LAMA5: variants seen among roughly 807,000 people sequenced by gnomAD.
The protein encoded by LAMA5 is laminin subunit alpha 5, also known as laminin subunit alpha-5.
Under a neutral mutation model 433.4 loss-of-function variants are expected in LAMA5, and 260 were observed. The observed-to-expected ratio is 0.60, with a 90% CI of 0.54 to 0.66. The LOEUF is 0.66. Ranked by LOEUF, LAMA5 falls within the 30% of genes least tolerant of loss-of-function variation. The pLI is 0.00. For synonymous variants in LAMA5, 2,620 were observed against 2,226.6 expected (o/e 1.18, Z -4.97); for missense variants, 5,378 against 5,258.5 (o/e 1.02, Z -0.70).
chr20:62,309,470 T>C lies in LAMA5; in HGVS notation c.10954A>G (p.Met3652Val), dbSNP rs960791457. ...GCGGGGGGCCAGGGCTGCACGGCCA[T>C]GGGCTCTGGGGGCACAGGGAAGATG... ...PLYLGGLPEP[M>V]AVQPWPPAYC... is the part of the protein sequence containing the mutation. The change falls in exon 80 of 80, where the codon ATG becomes GTG. Residue 3652 changes from methionine (M) to valine (V), a missense_variant. Met to Val is a conservative substitution (Grantham distance 21). Coordinates refer to ENST00000252999, the MANE Select transcript of LAMA5 (RefSeq NM_005560.6). 7.0e-6 allele frequency: 11 copies of C among 1,578,322 alleles called. No individual in the cohort carries two copies. The highest frequency in any genetic ancestry group is 1.8e-5 in the Admixed American group (1 of 56,958).
intron 20 of LAMA5, among the ~76,000 whole-genome samples, 188 bp from the exon 21 acceptor site, chr20:62,334,809 C>T (rs1452222656): frequency 8.6e-6 from 1 of 116,414 alleles, no homozygotes; most frequent in Non-Finnish European, 2.1e-5. Context: ...GCCGTCTGCC[C>T]AGGTGTAGGA....
rs138067480 is a variant in LAMA5, at chr20:62,352,059, G to A, written c.708C>T (p.Asn236=). The A allele has an allele frequency of 5.9e-5, 95 of 1,611,816 alleles. No homozygotes were observed. The highest frequency in any genetic ancestry group is 3.5e-4 in the African/African-American group (26 of 75,032). ...ENGEIVVSLV[N]GRPGAMNFSY... ...AGAAATTCATGGCGCCCGGACGTCC[G>A]TTCACCAGGGACACCACGATCTGTG... The change falls in exon 5 of 80, where the codon AAC becomes AAT. Residue 236 remains asparagine (N), a synonymous_variant. Transcript: ENST00000252999.
intron 52 of LAMA5, 33 bp from the exon 53 acceptor site, chr20:62,318,683 G>A (rs1285672302): frequency 4.4e-6 from 7 of 1,601,980 alleles, no homozygotes; most frequent in African/African-American, 1.3e-5. Context: ...TGGTCACTCT[G>A]GAAGCCAGGC....
At chr20:62,360,433 G>A (rs191334794) in intron 2 of LAMA5, among the ~76,000 whole-genome samples, 1 of 1,662 alleles carries the variant, frequency 6.0e-4, no homozygotes, top group African/African-American at 8.8e-4. Flanking sequence ...GGAGGGATGG[G>A]TGAGTGGGTG....
intron 67 of LAMA5, 33 bp downstream of exon 67, chr20:62,312,585 CGCCCCAACAGCCTG>C: frequency 6.3e-7 from 1 of 1,599,224 alleles, no homozygotes; most frequent in Non-Finnish European, 8.5e-7. Context: ...CCCAGCCTAC[CGCCCCAACAGCCTG>C]GCCTCGGAGC....
intron 50 of LAMA5, among the ~76,000 whole-genome samples, chr20:62,320,318 C>CAAAAAA (rs60260941): frequency 2.0e-5 from 1 of 51,248 alleles, no homozygotes; most frequent in Non-Finnish European, 3.4e-5. Context: ...AACTGTGTCT[C>CAAAAAA]AAAAAAAAAA....
At position 62,320,547 on chromosome 20, in the gene LAMA5, TG is replaced by T. The variant is rs147072623; in HGVS notation, c.6759+11del. The T allele has an allele frequency of 2.9e-5, 45 of 1,576,292 alleles. No homozygotes were observed. The highest frequency in any genetic ancestry group is 3.6e-5 in the Non-Finnish European group (42 of 1,167,812). On this transcript the variant is annotated intron_variant, in intron 50 of 79. Transcript: ENST00000252999. ...AGCCTCCCGGGGCCCTGGGGGGTCT[TG>T]GGGCTCCTGCCTGGCCGCCTAGCCG...
chr20:62,314,761 C>CT, intron 60 of LAMA5, 36 bp from the exon 61 acceptor site: 2 of 1,612,720 alleles, frequency 1.2e-6, no homozygotes, highest in Non-Finnish European at 1.7e-6. Flanking sequence ...CACCACCACC[C>CT]TCCCTGATGT....
In LAMA5 at chr20:62,328,355, T is replaced by A; in HGVS notation, c.4538A>T (p.Gln1513Leu). ...RTIPPDCLLC[Q>L]PQTFGCHPLV... The stretch of plus-strand genomic sequence containing the variant: ...GGGGTGGCAGCCAAAGGTCTGGGGC[T>A]GGCACAGCAGGCAGTCGGGCGGGAT... Residue 1513 changes from glutamine (Q) to leucine (L), a missense_variant, in exon 35 of 80, where the codon CAG becomes CTG. Coordinates refer to ENST00000252999, the MANE Select transcript of LAMA5 (RefSeq NM_005560.6). 1 of 1,594,414 alleles carries A rather than the reference T, an allele frequency of 6.3e-7. No homozygotes were observed. The highest frequency in any genetic ancestry group is 8.5e-7 in the Non-Finnish European group (1 of 1,170,792).
rs141164486 is a variant in LAMA5 at position 62,346,190 on chromosome 20, C to A, written c.1308G>T (p.Thr436=). ...CRRCNCESDF[T]DGTCEDLTGR... is the part of the protein sequence containing the mutation. ...CCGTCAGGTCCTCGCAGGTGCCATC[C>A]GTGAAGTCGGACTCGCAGTTGCAGC... The change falls in exon 10 of 80, where the codon ACG becomes ACT. Residue 436 remains threonine (T), a synonymous_variant. Coordinates refer to ENST00000252999, the MANE Select transcript of LAMA5 (RefSeq NM_005560.6). 4.0e-5 allele frequency: 64 copies of A among 1,612,270 alleles called. No individual in the cohort carries two copies. The highest frequency in any genetic ancestry group is 5.1e-5 in the Non-Finnish European group (60 of 1,179,754).
intron 2 of LAMA5, among the ~76,000 whole-genome samples, chr20:62,360,688 T>C: frequency 9.6e-6 from 1 of 103,634 alleles, no homozygotes; most frequent in East Asian, 3.0e-4. Flanking sequence ...AGGGACCACT[T>C]CCCAGGTGGA....
At chr20:62,330,355 GTTTGA>G in intron 31 of LAMA5, 128 bp downstream of exon 31, 2 of 1,299,946 alleles carry the variant, frequency 1.5e-6, no homozygotes, top group Non-Finnish European at 2.0e-6. Context: ...AGGGCAGCTA[GTTTGA>G]GAACTGATGG....
At chr20:62,361,072 C>T (rs534390824) in intron 2 of LAMA5, among the ~76,000 whole-genome samples, 3 of 152,284 alleles carry the variant, frequency 2.0e-5, no homozygotes, top group African/African-American at 4.8e-5. Flanking sequence ...GGGAAGAACT[C>T]GCCAGTGCCC....
In LAMA5 at chr20:62,329,195, G is replaced by A. The variant is rs773709240; in HGVS notation, c.4178C>T (p.Pro1393Leu). Residue 1393 changes from proline (P) to leucine (L), a missense_variant, in exon 33 of 80, where the codon CCC becomes CTC. Physicochemically the swap from Pro to Leu is moderately conservative, Grantham distance 98. Transcript: ENST00000252999. ...GATGAAGTCATAGGATTTATCCAGG[G>A]GCTCCTCCCGGAGGTAGCCAAAGCT... The part of the protein sequence containing the change: ...VYSFGYLREE[P>L]LDKSYDFISH... 1.1e-5 allele frequency: 17 copies of A among 1,612,750 alleles called. No individual in the cohort carries two copies. Among genetic ancestry groups the A allele is most frequent in the Admixed American group, 3.3e-5 (2 of 59,994 alleles).
In LAMA5 at chr20:62,334,360, T is replaced by C; in HGVS notation, c.2583-18A>G. On this transcript the variant is annotated intron_variant, in intron 21 of 79. Transcript: ENST00000252999. ...TCGCAGGCCTGGCCACAGCAGGGGC[T>C]GGTCAGGTGCAGCTTGGCCATCCTA... 1 of 1,581,038 alleles carries C rather than the reference T, an allele frequency of 6.3e-7. No individual in the cohort carries two copies. Among genetic ancestry groups the C allele is most frequent in the South Asian group, 1.1e-5 (1 of 87,156 alleles).
chr20:62,322,488 A>G (rs1306388306), intron 46 of LAMA5, 39 bp from the exon 47 acceptor site: 1 of 1,537,552 alleles, frequency 6.5e-7, no homozygotes, highest in African/African-American at 1.4e-5. Context: ...CCAGCCCTCA[A>G]GACTGTCCCA....
At position 62,338,149 on chromosome 20, in the gene LAMA5, C is replaced by T. The variant is rs1981997292; in HGVS notation, c.1758G>A (p.Leu586=). ...PGYFHFPLCQ[L]CGCSPAGTLP... ...AGGTTCCTGCAGGGCTGCAGCCACA[C>T]ACTGCAGAGCGGAGCGGGTGTCACG... Residue 586 remains leucine (L), a splice_region_variant and synonymous_variant, in exon 14 of 80, where the codon TTG becomes TTA. Transcript: ENST00000252999. 1 of 1,576,114 alleles carries T rather than the reference C, an allele frequency of 6.3e-7. No individual in the cohort carries two copies. Among genetic ancestry groups the T allele is most frequent in the Non-Finnish European group, 8.6e-7 (1 of 1,158,710 alleles).
At chr20:62,330,005 CA>C (rs1678134968) in intron 31 of LAMA5, 89 bp from the exon 32 acceptor site, 3 of 1,502,512 alleles carry the variant, frequency 2.0e-6, no homozygotes, top group East Asian at 2.4e-5. Context: ...TTGGGGCAGC[CA>C]AGGAGTGCCC....
At chr20:62,353,791 C>T (rs1307946992) in intron 2 of LAMA5, among the ~76,000 whole-genome samples, 7 of 152,056 alleles carry the variant, frequency 4.6e-5, no homozygotes, top group African/African-American at 7.2e-5. Context: ...CACCTCACAC[C>T]GGGCACCCCT....
Sources: gnomAD v4.1 joint callset for allele counts (sites outside exome capture counted in the v4.1 genomes callset) on GRCh38, gnomAD v4.1.1 for gene constraint, MANE v1.5 for transcripts, NCBI Gene and HGNC (gene_info 2026-07-23, HGNC 2026-07-21) for gene names.